CRYZ: variants seen among roughly 807,000 people sequenced by gnomAD.
CRYZ encodes crystallin zeta, also known as zeta-crystallin.
In CRYZ, 35 loss-of-function variants were observed where a neutral mutation model predicts 34.1. The ratio of observed to expected loss-of-function variants is 1.03; its 90% CI spans 0.78 to 1.36. The LOEUF (loss-of-function observed/expected upper bound fraction) is 1.36, where lower values mean the gene tolerates loss of function less well. CRYZ is among the 40% of genes most tolerant of loss of function. The pLI, the probability that CRYZ is intolerant of heterozygous loss-of-function variation, is 0.00. For missense variants in CRYZ, 403 were observed against 391.8 expected (o/e 1.03, Z -0.24); for synonymous variants, 137 against 136.5 (o/e 1.00, Z -0.03).
At chr1:74,729,790 C>A (rs1205260179) in intron 1 of CRYZ, among the ~76,000 whole-genome samples, 1 of 152,120 alleles carries the variant, frequency 6.6e-6, no homozygotes, top group African/African-American at 2.4e-5. Context: ...TCAAAGAATT[C>A]GGTCTAGAAG....
Position 74,723,033 on chromosome 1 carries a change from T to G in CRYZ, c.264+85A>C, listed in dbSNP as rs1216579845. The G allele has an allele frequency of 1.1e-5, 15 of 1,405,490 alleles. No individual in the cohort carries two copies. The Admixed American group carries it at 1.4e-4, about 14-fold the overall frequency. The allele number at this position is 1,405,490 out of a possible 1,614,324, so 87.1% of individuals were successfully genotyped here. On this transcript the variant is annotated intron_variant, in intron 3 of 8. Transcript: ENST00000340866. ...TTGTGTAATGGGGCCTTTTAAAACC[T>G]TAAATAAGATGCAGTTGAAAGCTAT...
chr1:74,717,023 C>G (rs72968202), intron 4 of CRYZ, among the ~76,000 whole-genome samples: 7,569 of 152,154 alleles, frequency 0.05, 380 homozygotes, highest in African/African-American at 0.13. Flanking sequence ...TGAAAAGTGA[C>G]GCAATCACAC....
chr1:74,713,954 TC>T (rs1329082368), intron 5 of CRYZ, among the ~76,000 whole-genome samples: 7 of 152,094 alleles, frequency 4.6e-5, no homozygotes, highest in Non-Finnish European at 7.4e-5. Context: ...CGAAGAGGTT[TC>T]TGACAGCCCT....
intron 6 of CRYZ, chr1:74,708,031 T>C (rs1056787389): frequency 3.0e-4 from 46 of 151,610 alleles, no homozygotes; most frequent in African/African-American, 1.1e-3. Context: ...CAGGGATGAA[T>C]AGGAGTTTCC....
intron 4 of CRYZ, among the ~76,000 whole-genome samples, chr1:74,715,080 G>T (rs1647053999): frequency 6.6e-6 from 1 of 151,696 alleles, no homozygotes; most frequent in Admixed American, 6.6e-5. Context: ...TATTTTTTTT[G>T]CCCAAGGAAA....
In CRYZ at chr1:74,728,878, T is replaced by G. The variant is rs149983332; in HGVS notation, c.-13-4044A>C. The stretch of plus-strand genomic sequence containing the variant: ...GGAAAAACAGAGGCAGAAGCAGGCC[T>G]ACGGCATAAACACTGCACTTTAGAA... On this transcript the variant is annotated intron_variant, in intron 1 of 8. Coordinates refer to ENST00000340866, the MANE Select transcript of CRYZ (RefSeq NM_001889.4). Among the ~76,000 whole-genome samples the G allele has an allele frequency of 2.0e-3, 298 of 152,274 alleles. 2 individuals are homozygous for G. The highest frequency in any genetic ancestry group is 6.9e-3 in the African/African-American group (286 of 41,556).
chr1:74,724,897 C>G (rs1323522419), intron 1 of CRYZ, 63 bp from the exon 2 acceptor site: 4 of 938,784 alleles, frequency 4.3e-6, no homozygotes, highest in Non-Finnish European at 5.0e-6. Context: ...ATGTTTTTCC[C>G]CCCTGGAGGG....
At chr1:74,710,781 T>TAATA (rs1646991633) in intron 5 of CRYZ, among the ~76,000 whole-genome samples, 1 of 152,242 alleles carries the variant, frequency 6.6e-6, no homozygotes, top group Non-Finnish European at 1.5e-5. Context: ...TGAATGTTTA[T>TAATA]AGAGTGTTTA....
chr1:74,724,725 G>A lies in CRYZ; in HGVS notation c.97C>T (p.Pro33Ser), dbSNP rs1647246973. ...KLRSDIAVPIPKDHQVLIKVH... is the reference protein window; with the variant it reads ...KLRSDIAVPISKDHQVLIKVH... ...TTTATTTCTACCTGATGGTCTTTTG[G>A]AATCGGTACTGCAATATCTGATCGC... Residue 33 changes from proline (P) to serine (S), a missense_variant, in exon 2 of 9, where the codon CCA becomes TCA. By Grantham distance (74) the Pro-to-Ser change is moderately conservative. Coordinates refer to ENST00000340866, the MANE Select transcript of CRYZ (RefSeq NM_001889.4). 1 of 1,605,156 alleles carries A rather than the reference G, an allele frequency of 6.2e-7. No individual in the cohort carries two copies.
intron 4 of CRYZ, among the ~76,000 whole-genome samples, chr1:74,717,891 C>T (rs1447346984): frequency 1.3e-5 from 2 of 152,184 alleles, no homozygotes; most frequent in Non-Finnish European, 2.9e-5. Context: ...ATTCTCACTC[C>T]AGTGTTCTCA....
At chr1:74,714,767 C>A (rs1239084833) in intron 4 of CRYZ, 137 bp from the exon 5 acceptor site, 2 of 716,928 alleles carry the variant, frequency 2.8e-6, no homozygotes. Context: ...TGACATACAG[C>A]CCCAAATATT....
At chr1:74,718,444 C>A (rs771126677) in intron 4 of CRYZ, among the ~76,000 whole-genome samples, 4 of 152,106 alleles carry the variant, frequency 2.6e-5, no homozygotes, top group African/African-American at 4.8e-5. Flanking sequence ...TGGATAAGCT[C>A]TATAATCTGT....
At chr1:74,706,582 T>C (rs1646932491) in intron 8 of CRYZ, 125 bp from the exon 9 acceptor site, 2 of 880,480 alleles carry the variant, frequency 2.3e-6, no homozygotes, top group East Asian at 2.7e-5. Flanking sequence ...GTGTGACTTT[T>C]GTCAACTTGT....
intron 1 of CRYZ, chr1:74,730,562 GGT>G (rs1647658680): frequency 6.6e-6 from 1 of 152,170 alleles, no homozygotes; most frequent in Admixed American, 6.5e-5. Flanking sequence ...TTTCAGAACA[GGT>G]AGAGAAGTTA....
At chr1:74,727,658 A>AC (rs1180223880) in intron 1 of CRYZ, among the ~76,000 whole-genome samples, 2 of 149,742 alleles carry the variant, frequency 1.3e-5, no homozygotes, top group Non-Finnish European at 3.0e-5. Flanking sequence ...AAAAAAAAAA[A>AC]AAAAAAAAAC....
intron 5 of CRYZ, among the ~76,000 whole-genome samples, chr1:74,712,565 CGAGGCTGGACTCAGCCAG>C (rs908339858): frequency 6.6e-5 from 10 of 152,102 alleles, no homozygotes; most frequent in African/African-American, 2.4e-4. Context: ...ATGGGAATAA[CGAGGCTGGACTCAGCCAG>C]GTTATGGCAG....
chr1:74,732,714 C>T (rs2100746500), intron 1 of CRYZ: 1 of 153,272 alleles, frequency 6.5e-6, no homozygotes, highest in South Asian at 2.0e-4. Context: ...AACTCAGAGC[C>T]TAAACGCAGG....
chr1:74,731,688 G>C (rs1227017446), intron 1 of CRYZ, among the ~76,000 whole-genome samples: 5 of 152,128 alleles, frequency 3.3e-5, no homozygotes, highest in Non-Finnish European at 5.9e-5. Flanking sequence ...GTAGAGCTTG[G>C]AGAGATTTGC....
intron 3 of CRYZ, among the ~76,000 whole-genome samples, chr1:74,722,292 G>A (rs550082579): frequency 6.6e-6 from 1 of 152,206 alleles, no homozygotes; most frequent in Non-Finnish European, 1.5e-5. Flanking sequence ...GGCTAAGAGT[G>A]TCAAATGTCA....
Sources: gnomAD v4.1 joint callset for allele counts (sites outside exome capture counted in the v4.1 genomes callset) on GRCh38, gnomAD v4.1.1 for gene constraint, MANE v1.5 for transcripts, NCBI Gene and HGNC (gene_info 2026-07-23, HGNC 2026-07-21) for gene names.